The following SEMA3E variants were observed in gnomAD, a reference collection of about 807,000 sequenced individuals.
SEMA3E encodes semaphorin 3E.
SEMA3E carries 49 observed loss-of-function variants against 93.6 expected under a neutral mutation model. That is an observed-to-expected ratio of 0.52 (90% CI 0.42 to 0.66). The LOEUF is 0.66. Ranked by LOEUF, SEMA3E falls within the 30% of genes least tolerant of loss-of-function variation. SEMA3E has a pLI of 0.00. For synonymous variants in SEMA3E, 363 were observed against 330.7 expected, an observed-to-expected ratio of 1.10 and a Z score of -1.06; for missense variants, 906 against 964.8, an observed-to-expected ratio of 0.94 and a Z score of 0.81.
At chr7:83,635,232 T>A (rs1187208601) in intron 1 of SEMA3E, among the ~76,000 whole-genome samples, 1 of 151,734 alleles carries the variant, frequency 6.6e-6, no homozygotes, top group Non-Finnish European at 1.5e-5. Context: ...ATAAGTTATG[T>A]CAGTTTCATC....
chr7:83,391,809 T>C (rs1403686293), intron 14 of SEMA3E, among the ~76,000 whole-genome samples: 3 of 152,170 alleles, frequency 2.0e-5, no homozygotes, highest in Non-Finnish European at 4.4e-5. Context: ...TAATACAAAC[T>C]GTTTTTCAGT....
intron 4 of SEMA3E, among the ~76,000 whole-genome samples, chr7:83,445,026 T>C (rs183622646): frequency 1.4e-4 from 21 of 152,146 alleles, no homozygotes; most frequent in African/African-American, 4.8e-4. Context: ...GGAAGAAAGC[T>C]TCTATTTGAA....
chr7:83,482,091 G>T (rs1169654166), intron 2 of SEMA3E, among the ~76,000 whole-genome samples: 1 of 152,240 alleles, frequency 6.6e-6, no homozygotes, highest in East Asian at 1.9e-4. Flanking sequence ...CTAATGTGCA[G>T]CCAAGGTTGC....
In SEMA3E at chr7:83,363,273, G is replaced by A. The variant is rs954556299; in HGVS notation, c.*4313C>T. The A allele has an allele frequency of 1.2e-4, 18 of 152,162 alleles. No homozygotes were observed. Among genetic ancestry groups the A allele is most frequent in the African/African-American group, 4.3e-4 (18 of 41,506 alleles). The allele number at this position is 152,162 out of a possible 1,614,324, so 9.4% of individuals were successfully genotyped here. ...AGCAAATATTTATTTCTTTTTCATC[G>A]AAGTTGAGCCAAATAGAGATTGTAC... On this transcript the variant is annotated 3_prime_UTR_variant, in exon 17 of 17. Transcript: ENST00000643230.
intron 1 of SEMA3E, among the ~76,000 whole-genome samples, chr7:83,618,924 CAT>C (rs1744335535): frequency 6.6e-6 from 1 of 151,878 alleles, no homozygotes. Context: ...CATGCACACA[CAT>C]GTATATGTGT....
chr7:83,542,327 G>A (rs1791554106), intron 1 of SEMA3E, among the ~76,000 whole-genome samples: 1 of 151,950 alleles, frequency 6.6e-6, no homozygotes, highest in African/African-American at 2.4e-5. Context: ...GCCACAGCAT[G>A]AGACTCTGTC....
Position 83,436,459 on chromosome 7 carries a change from G to A in SEMA3E, c.457-17976C>T, listed in dbSNP as rs537189015. Among the ~76,000 whole-genome samples, 35 of 151,418 alleles carry A rather than the reference G, an allele frequency of 2.3e-4. No homozygotes were observed. The East Asian group carries it at 4.1e-3, about 18-fold the overall frequency. ...TTTATAGCCTTTCAACCTCAATTTC[G>A]TTACTTGTTAAATATATATACATAC... On this transcript the variant is annotated intron_variant, in intron 4 of 16. Coordinates refer to ENST00000643230, the MANE Select transcript of SEMA3E (RefSeq NM_012431.3).
intron 2 of SEMA3E, 104 bp downstream of exon 2, chr7:83,490,010 C>T (rs752590859): frequency 1.9e-6 from 2 of 1,061,152 alleles, no homozygotes; most frequent in Non-Finnish European, 2.8e-6. Context: ...AGTAATCACT[C>T]AAAATTTTAA....
At chr7:83,409,610 G>A (rs1355349204) in intron 5 of SEMA3E, among the ~76,000 whole-genome samples, 1 of 151,912 alleles carries the variant, frequency 6.6e-6, no homozygotes, top group East Asian at 1.9e-4. Context: ...ATGCTTTAAA[G>A]GTTAAGAGAT....
chr7:83,638,974 A>G (rs912822678), intron 1 of SEMA3E, among the ~76,000 whole-genome samples: 11 of 150,078 alleles, frequency 7.3e-5, no homozygotes, highest in South Asian at 2.1e-4. Flanking sequence ...AGCCGGGCGT[A>G]GTGGCGGGCG....
intron 4 of SEMA3E, among the ~76,000 whole-genome samples, chr7:83,419,689 G>C (rs1788634277): frequency 6.6e-6 from 1 of 152,020 alleles, no homozygotes; most frequent in African/African-American, 2.4e-5. Flanking sequence ...TAGTGATATG[G>C]AGCATTTTTT....
chr7:83,416,313 C>A (rs962764607), intron 5 of SEMA3E, among the ~76,000 whole-genome samples: 1 of 152,054 alleles, frequency 6.6e-6, no homozygotes, highest in Admixed American at 6.6e-5. Context: ...AGATGGCAAG[C>A]ACTTCAGATT....
Position 83,562,464 on chromosome 7 carries a change from T to TTTTTTTTATTTATTTA in SEMA3E, c.116-72191_116-72190insTAAATAAATAAAAAAA, listed in dbSNP as rs149445325. 2.8e-5 allele frequency among the ~76,000 whole-genome samples: 4 copies of TTTTTTTTATTTATTTA among 141,084 alleles called. No individual in the cohort carries two copies. In the East Asian group the frequency reaches 6.3e-4, roughly 22 times the overall value. 92.6% of individuals were successfully genotyped at this position (141,084 alleles called of 152,430 possible). Reference sequence around the variant, plus strand: ...CATAGGAAGGCTTTCTGAACTTCCTTTTTATTTATTTATTTATTTATTTAT... The same window carrying TTTTTTTTATTTATTTA: ...CATAGGAAGGCTTTCTGAACTTCCTTTTTTTTTATTTATTTATTTATTTATTTATTTATTTATTTAT... On this transcript the variant is annotated intron_variant, in intron 1 of 16. Transcript: ENST00000643230.
intron 1 of SEMA3E, among the ~76,000 whole-genome samples, chr7:83,504,307 T>C (rs1790652618): frequency 6.6e-6 from 1 of 152,232 alleles, no homozygotes; most frequent in African/African-American, 2.4e-5. Flanking sequence ...AAATTGAACC[T>C]ACTCATCTAC....
intron 1 of SEMA3E, among the ~76,000 whole-genome samples, chr7:83,598,400 A>T (rs1043922667): frequency 6.6e-6 from 1 of 152,208 alleles, no homozygotes; most frequent in African/African-American, 2.4e-5. Context: ...CTGTCGGTCA[A>T]TTTTAGTCAA....
intron 2 of SEMA3E, among the ~76,000 whole-genome samples, chr7:83,485,399 G>T (rs1790231080): frequency 6.6e-6 from 1 of 152,044 alleles, no homozygotes. Flanking sequence ...AGGGATTTAG[G>T]AACTTGCCCA....
At chr7:83,605,084 A>G (rs1584359383) in intron 1 of SEMA3E, among the ~76,000 whole-genome samples, 2 of 152,194 alleles carry the variant, frequency 1.3e-5, no homozygotes, top group South Asian at 4.1e-4. Flanking sequence ...TACTGCTGCA[A>G]TAAGCATATG....
At chr7:83,633,004 A>G (rs566462313) in intron 1 of SEMA3E, among the ~76,000 whole-genome samples, 4 of 152,262 alleles carry the variant, frequency 2.6e-5, no homozygotes, top group African/African-American at 9.6e-5. Flanking sequence ...AATTTGGGTA[A>G]AATTATACAA....
At chr7:83,564,785 A>G (rs1018566136) in intron 1 of SEMA3E, among the ~76,000 whole-genome samples, 1 of 152,232 alleles carries the variant, frequency 6.6e-6, no homozygotes, top group Non-Finnish European at 1.5e-5. Flanking sequence ...TGACAATTAC[A>G]TGGTTGGCTA....
Sources: gnomAD v4.1 joint callset for allele counts (sites outside exome capture counted in the v4.1 genomes callset) on GRCh38, gnomAD v4.1.1 for gene constraint, MANE v1.5 for transcripts, NCBI Gene and HGNC (gene_info 2026-07-23, HGNC 2026-07-21) for gene names.